The following ADH7 variants were observed in gnomAD, a reference collection of about 807,000 sequenced individuals.
ADH7 encodes the protein alcohol dehydrogenase 7 (class IV), mu or sigma polypeptide.
A neutral mutation model predicts 34.4 loss-of-function variants in ADH7; 41 were observed. The ratio of observed to expected loss-of-function variants is 1.19; its 90% CI spans 0.93 to 1.55. ADH7 has a LOEUF of 1.55. ADH7 is among the 40% of genes most tolerant of loss of function. The probability of loss-of-function intolerance (pLI) is 0.00; values close to 1 mark genes in which losing one functional copy is unlikely to be tolerated. For missense variants in ADH7, 540 were observed against 461.2 expected (o/e 1.17, Z -1.56); for synonymous variants, 180 against 160.9 (o/e 1.12, Z -0.90).
At chr4:99,422,495 G>A (rs1285530433) in intron 5 of ADH7, among the ~76,000 whole-genome samples, 1 of 152,100 alleles carries the variant, frequency 6.6e-6, no homozygotes, top group African/African-American at 2.4e-5. Flanking sequence ...ACACATCAGG[G>A]CCTGTTAGGA....
At chr4:99,428,042 T>C (rs954097807) in intron 4 of ADH7, 45 bp downstream of exon 4, 33 of 1,612,520 alleles carry the variant, frequency 2.0e-5, no homozygotes, top group Non-Finnish European at 2.5e-5. Context: ...AAAATTAGCA[T>C]AGGAAAAATG....
intron 5 of ADH7, among the ~76,000 whole-genome samples, chr4:99,423,208 C>G (rs1721710701): frequency 6.6e-6 from 1 of 150,722 alleles, no homozygotes; most frequent in African/African-American, 2.4e-5. Flanking sequence ...GACATGAACT[C>G]ATCATTTTTT....
chr4:99,415,468 A>G lies in ADH7; in HGVS notation c.1100+10T>C, dbSNP rs1721494973. 1 of 1,608,602 alleles carries G rather than the reference A, an allele frequency of 6.2e-7. No homozygotes were observed. Among genetic ancestry groups the G allele is most frequent in the Non-Finnish European group, 8.5e-7 (1 of 1,177,690 alleles). The stretch of plus-strand genomic sequence containing the variant: ...GGAGAAGAGACAAGATCATCATAAG[A>G]AACAGTTACCTTTGTCCTGAATTGA... On this transcript the variant is annotated intron_variant, in intron 8 of 8. Coordinates refer to ENST00000437033, the MANE Select transcript of ADH7 (RefSeq NM_000673.7).
At position 99,424,360 on chromosome 4, in the gene ADH7, A is replaced by G. The variant is rs528330284; in HGVS notation, c.564+3413T>C. Among the ~76,000 whole-genome samples the G allele has an allele frequency of 1.0e-3, 158 of 152,214 alleles. 1 individual carries two copies. Among genetic ancestry groups the G allele is most frequent in the African/African-American group, 3.3e-3 (139 of 41,558 alleles). On this transcript the variant is annotated intron_variant, in intron 5 of 8. Coordinates refer to ENST00000437033, the MANE Select transcript of ADH7 (RefSeq NM_000673.7). ...TGGCTTAGGATTGACTTGGCGATGC[A>G]TGCTCTTTTTTGGTTCCATATGAAC...
chr4:99,435,273 C>T lies in ADH7; in HGVS notation c.-40G>A. 6.2e-7 allele frequency: 1 copy of T among 1,612,880 alleles called. No homozygotes were observed. On this transcript the variant is annotated 5_prime_UTR_variant, in exon 1 of 9. Transcript: ENST00000437033. ...GGATCTGTATTTCTGCAAACATAGA[C>T]TTTTTCTGACTGATGCTCAGTTCAC...
intron 6 of ADH7, among the ~76,000 whole-genome samples, chr4:99,420,254 C>T (rs1236497865): frequency 6.6e-6 from 1 of 152,072 alleles, no homozygotes; most frequent in Non-Finnish European, 1.5e-5. Context: ...AAGGAAGATC[C>T]TACTTAAAAC....
At chr4:99,419,450 C>T (rs549445054) in intron 6 of ADH7, among the ~76,000 whole-genome samples, 2 of 151,990 alleles carry the variant, frequency 1.3e-5, no homozygotes, top group Non-Finnish European at 2.9e-5. Flanking sequence ...TTGAACCAAA[C>T]TAAATTGAAT....
chr4:99,435,269 T>G lies in ADH7; in HGVS notation c.-36A>C. On this transcript the variant is annotated 5_prime_UTR_variant, in exon 1 of 9. The change abolishes an upstream ATG in the 5' untranslated region. Transcript: ENST00000437033. ...TCTTGGATCTGTATTTCTGCAAACA[T>G]AGACTTTTTCTGACTGATGCTCAGT... 1 of 1,613,228 alleles carries G rather than the reference T, an allele frequency of 6.2e-7. No individual in the cohort carries two copies. The highest frequency in any genetic ancestry group is 1.1e-5 in the South Asian group (1 of 90,914).
At chr4:99,423,791 T>C (rs368027145) in intron 5 of ADH7, among the ~76,000 whole-genome samples, 2 of 152,204 alleles carry the variant, frequency 1.3e-5, no homozygotes, top group African/African-American at 4.8e-5. Flanking sequence ...CTTTGTCAGA[T>C]GAGTAGGTTG....
intron 5 of ADH7, among the ~76,000 whole-genome samples, chr4:99,425,238 T>G (rs1189555658): frequency 3.3e-5 from 5 of 152,090 alleles, no homozygotes; most frequent in African/African-American, 4.8e-5. Context: ...ATGGACTAAA[T>G]GCTCCAATTA....
At chr4:99,426,828 C>T (rs1440794452) in intron 5 of ADH7, among the ~76,000 whole-genome samples, 3 of 152,192 alleles carry the variant, frequency 2.0e-5, no homozygotes, top group East Asian at 1.9e-4. Flanking sequence ...ACTGGCAAAC[C>T]GAATCCAACA....
chr4:99,418,058 T>A (rs959319944), intron 7 of ADH7, among the ~76,000 whole-genome samples: 1 of 152,124 alleles, frequency 6.6e-6, no homozygotes, highest in Non-Finnish European at 1.5e-5. Flanking sequence ...TAGTTCCAAG[T>A]CTCAGTTTTA....
chr4:99,413,403 G>T (rs1441223308), intron 8 of ADH7, among the ~76,000 whole-genome samples: 1 of 152,124 alleles, frequency 6.6e-6, no homozygotes, highest in African/African-American at 2.4e-5. Flanking sequence ...CCAACAAGAG[G>T]GAAGTGGTTT....
intron 5 of ADH7, among the ~76,000 whole-genome samples, chr4:99,424,907 A>G (rs1272874090): frequency 6.6e-6 from 1 of 152,118 alleles, no homozygotes; most frequent in East Asian, 1.9e-4. Context: ...AACTTCCAAC[A>G]CTATGTTGAA....
intron 5 of ADH7, among the ~76,000 whole-genome samples, chr4:99,427,551 A>G (rs1721836956): frequency 6.6e-6 from 1 of 152,202 alleles, no homozygotes; most frequent in South Asian, 2.1e-4. Flanking sequence ...GTTTGCAAAT[A>G]TAGTCAATAA....
At chr4:99,416,404 A>G (rs1171823255) in intron 7 of ADH7, among the ~76,000 whole-genome samples, 1 of 152,130 alleles carries the variant, frequency 6.6e-6, no homozygotes, top group East Asian at 1.9e-4. Context: ...TGACCCAGAC[A>G]GGGGTCATTT....
intron 5 of ADH7, among the ~76,000 whole-genome samples, chr4:99,426,594 G>C (rs1223073211): frequency 2.0e-5 from 3 of 152,130 alleles, no homozygotes; most frequent in African/African-American, 7.2e-5. Flanking sequence ...AAAGAGTCCG[G>C]GGCCAGATGG....
intron 7 of ADH7, among the ~76,000 whole-genome samples, chr4:99,418,018 A>T (rs1721559235): frequency 6.6e-6 from 1 of 152,180 alleles, no homozygotes. Context: ...TCAGTTCTCA[A>T]CTTGAGAGCT....
At chr4:99,421,895 T>C (rs148951878) in intron 5 of ADH7, among the ~76,000 whole-genome samples, 3,619 of 152,172 alleles carry the variant, frequency 0.024, 83 homozygotes, top group Non-Finnish European at 0.037. Flanking sequence ...AATAAACATA[T>C]GAAAAAAGCT....
Sources: gnomAD v4.1 joint callset for allele counts (sites outside exome capture counted in the v4.1 genomes callset) on GRCh38, gnomAD v4.1.1 for gene constraint, MANE v1.5 for transcripts, NCBI Gene and HGNC (gene_info 2026-07-23, HGNC 2026-07-21) for gene names.